The following STYXL1 variants were observed in gnomAD, a reference collection of about 807,000 sequenced individuals.
STYXL1 encodes serine/threonine/tyrosine interacting like 1.
In STYXL1, 32 loss-of-function variants were observed where a neutral mutation model predicts 36.4. The ratio of observed to expected loss-of-function variants is 0.88; its 90% confidence interval spans 0.66 to 1.18. STYXL1 has a LOEUF of 1.18. Among genes scored for constraint, STYXL1 ranks in the 50% most tolerant of loss-of-function variants. The probability of loss-of-function intolerance (pLI) is 0.00; values close to 1 mark genes in which losing one functional copy is unlikely to be tolerated. For missense variants in STYXL1, 354 were observed against 394.1 expected (o/e 0.90, Z 0.86); for synonymous variants, 133 against 144.1 (o/e 0.92, Z 0.55).
rs4728551 is a variant in STYXL1, at chr7:76,041,715, C to G, written c.-5+5947G>C. ...ATAAACTTCTTTGCTATATAAATTA[C>G]CCAATCTCAAGCATTCTGTGACAGC... On this transcript the variant is annotated intron_variant, in intron 1 of 8. Coordinates refer to ENST00000359697, the MANE Select transcript of STYXL1 (RefSeq NM_001317785.2). 1.3e-5 allele frequency among the ~76,000 whole-genome samples: 2 copies of G among 152,042 alleles called. 1 individual carries two copies. The highest frequency in any genetic ancestry group is 4.1e-4 in the South Asian group (2 of 4,830).
rs551471268 is a variant in STYXL1, at chr7:76,042,756, T to C, written c.-5+4906A>G. 3.3e-5 allele frequency among the ~76,000 whole-genome samples: 5 copies of C among 152,286 alleles called. No homozygotes were observed. In the South Asian group the frequency reaches 1.0e-3, roughly 32 times the overall value. On this transcript the variant is annotated intron_variant, in intron 1 of 8. Transcript: ENST00000359697. ...AAGGGATAAGCACCCTCTGATCTCATACAATTTCACCTAATCTCTCTTGTT... is the reference window on the plus strand; with the variant it reads ...AAGGGATAAGCACCCTCTGATCTCACACAATTTCACCTAATCTCTCTTGTT...
intron 3 of STYXL1, among the ~76,000 whole-genome samples, chr7:76,027,579 C>A (rs1794862291): frequency 6.6e-6 from 1 of 151,886 alleles, no homozygotes. Flanking sequence ...TGCCACTGCA[C>A]CCCTGCCCGG....
chr7:76,013,968 CT>C, intron 4 of STYXL1, 81 bp from the exon 5 acceptor site: 1 of 1,394,670 alleles, frequency 7.2e-7, no homozygotes, highest in Non-Finnish European at 9.7e-7. Flanking sequence ...CCACTTTCTT[CT>C]GAAATGCAAT....
intron 1 of STYXL1, among the ~76,000 whole-genome samples, chr7:76,034,017 G>C (rs782543508): frequency 6.6e-6 from 1 of 152,190 alleles, no homozygotes; most frequent in Non-Finnish European, 1.5e-5. Context: ...GGTGTATGTG[G>C]ATTCATGAAG....
At chr7:76,025,219 C>CTG (rs1347498925) in intron 3 of STYXL1, among the ~76,000 whole-genome samples, 1 of 149,682 alleles carries the variant, frequency 6.7e-6, no homozygotes, top group African/African-American at 2.5e-5. Context: ...AATCTGCTAA[C>CTG]TGGGAAGCTA....
intron 4 of STYXL1, among the ~76,000 whole-genome samples, chr7:76,021,339 C>T (rs1353405101): frequency 1.3e-5 from 2 of 152,090 alleles, no homozygotes; most frequent in African/African-American, 4.8e-5. Context: ...CCTCGGCCTC[C>T]CAAAGTGCTG....
intron 1 of STYXL1, among the ~76,000 whole-genome samples, chr7:76,034,826 C>T (rs1554580380): frequency 6.6e-6 from 1 of 152,190 alleles, no homozygotes; most frequent in African/African-American, 2.4e-5. Context: ...TCACCCGTAG[C>T]TGAGGACCAA....
At chr7:76,031,254 C>G (rs782654659) in intron 1 of STYXL1, among the ~76,000 whole-genome samples, 1 of 140,272 alleles carries the variant, frequency 7.1e-6, no homozygotes, top group African/African-American at 2.6e-5. Flanking sequence ...TCACTTGAAC[C>G]TGGGAGGCAG....
intron 7 of STYXL1, among the ~76,000 whole-genome samples, chr7:76,003,285 A>C (rs1011496541): frequency 6.6e-6 from 1 of 152,228 alleles, no homozygotes; most frequent in Non-Finnish European, 1.5e-5. Flanking sequence ...ACCAACCAAC[A>C]AACAAAAACA....
chr7:76,013,880 C>T lies in STYXL1; in HGVS notation c.315G>A (p.Val105=). The T allele has an allele frequency of 6.2e-7, 1 of 1,610,654 alleles. No homozygotes were observed. Among genetic ancestry groups the T allele is most frequent in the South Asian group, 1.1e-5 (1 of 90,692 alleles). The change falls in exon 5 of 9, where the codon GTG becomes GTA. Residue 105 remains valine, a synonymous_variant. Transcript: ENST00000359697. The part of the protein sequence containing the change: ...SDSDGDGKDL[V]PQAAIEYGRI... The stretch of plus-strand genomic sequence containing the variant: ...TGCCATACTCAATGGCTGCTTGAGG[C>T]ACAAGATCTGAGAGTGGAGACCAAA...
intron 4 of STYXL1, among the ~76,000 whole-genome samples, chr7:76,016,147 T>C (rs1192264535): frequency 6.6e-6 from 1 of 152,054 alleles, no homozygotes; most frequent in Non-Finnish European, 1.5e-5. Flanking sequence ...CATATGTACA[T>C]GTATAGATAT....
At position 76,025,086 on chromosome 7, in the gene STYXL1, G is replaced by C. The variant is rs1163052672; in HGVS notation, c.166-3094C>G. Among the ~76,000 whole-genome samples the C allele has an allele frequency of 2.0e-5, 3 of 150,468 alleles. No individual in the cohort carries two copies. In the East Asian group the frequency reaches 5.9e-4, roughly 29 times the overall value. On this transcript the variant is annotated intron_variant, in intron 3 of 8. Transcript: ENST00000359697. ...TAAGGTGTCAGGTGAGAGTGGAAGT[G>C]TACTGGGAATGAGGCTGGAGACAGA...
intron 5 of STYXL1, among the ~76,000 whole-genome samples, chr7:76,008,905 G>A (rs1792179171): frequency 6.6e-6 from 1 of 152,056 alleles, no homozygotes. Context: ...TGGAGGCTGA[G>A]GCAGGAGAAT....
intron 3 of STYXL1, among the ~76,000 whole-genome samples, chr7:76,027,987 T>TCTCAGCTACTCTGGAGG (rs1462942102): frequency 1.3e-5 from 2 of 151,986 alleles, no homozygotes; most frequent in Non-Finnish European, 2.9e-5. Context: ...CCCATTGTAG[T>TCTCAGCTACTCTGGAGG]CTCAGCTACT....
At chr7:75,998,937 C>T (rs910103191) in intron 8 of STYXL1, 2 of 152,194 alleles carry the variant, frequency 1.3e-5, no homozygotes, top group East Asian at 1.9e-4. Context: ...ACACAGACTG[C>T]CAAAACTCAC....
At chr7:76,046,337 TGTGCGCGCGCGC>T (rs1180988335) in intron 1 of STYXL1, among the ~76,000 whole-genome samples, 46 of 23,612 alleles carry the variant, frequency 1.9e-3, no homozygotes, top group East Asian at 0.013. Context: ...TGTGTGTGTG[TGTGCGCGCGCGC>T]GCGCGCGCGC....
At chr7:76,030,683 G>A (rs1795230822) in intron 1 of STYXL1, among the ~76,000 whole-genome samples, 156 bp from the exon 2 acceptor site, 1 of 152,052 alleles carries the variant, frequency 6.6e-6, no homozygotes, top group African/African-American at 2.4e-5. Flanking sequence ...ACTGTATAGT[G>A]AAATATAGTG....
At chr7:76,007,281 C>T (rs1554570724) in intron 5 of STYXL1, among the ~76,000 whole-genome samples, 2 of 151,978 alleles carry the variant, frequency 1.3e-5, no homozygotes, top group African/African-American at 4.8e-5. Context: ...CAAAAATTAG[C>T]CAGGCATGAT....
chr7:76,047,858 T>C lies in STYXL1; in HGVS notation c.-201A>G, dbSNP rs982093663. 1.5e-6 allele frequency: 2 copies of C among 1,311,174 alleles called. No individual in the cohort carries two copies. Among genetic ancestry groups the C allele is most frequent in the East Asian group, 6.4e-5 (2 of 31,034 alleles). 81.2% of individuals were successfully genotyped at this position (1,311,174 alleles called of 1,614,324 possible). On this transcript the variant is annotated 5_prime_UTR_variant, in exon 1 of 9. Coordinates refer to ENST00000359697, the MANE Select transcript of STYXL1 (RefSeq NM_001317785.2). ...GGCGCTTCCAGCCTAAAGCCCGTCCTCTTCCACCTCTTGGGTGCAGACTGG... is the reference window on the plus strand; with the variant it reads ...GGCGCTTCCAGCCTAAAGCCCGTCCCCTTCCACCTCTTGGGTGCAGACTGG...
Sources: allele counts gnomAD v4.1 joint callset (sites outside exome capture counted in the v4.1 genomes callset), GRCh38; gene constraint gnomAD v4.1.1; transcripts MANE v1.5; gene names NCBI Gene and HGNC (gene_info 2026-07-23, HGNC 2026-07-21).